Variants in TDRD3 observed in about 807,000 individuals in gnomAD.
TDRD3 encodes the protein tudor domain-containing protein 3.
TDRD3 carries 45 observed loss-of-function variants against 86.7 expected under a neutral mutation model. That is an observed-to-expected ratio of 0.52 (90% CI 0.41 to 0.67). The LOEUF is 0.67. Among genes scored for constraint, TDRD3 ranks in the 30% least tolerant of loss-of-function variants. TDRD3 has a pLI of 0.00. For missense variants in TDRD3, 814 were observed against 889.0 expected (o/e 0.92, Z 1.07); for synonymous variants, 298 against 301.7 (o/e 0.99, Z 0.13).
chr13:60,428,505 A>G (rs142838792), intron 1 of TDRD3, among the ~76,000 whole-genome samples: 1,698 of 152,252 alleles, frequency 0.011, 40 homozygotes, highest in African/African-American at 0.039. Context: ...AGGCATGCAA[A>G]ATTAATTTTA....
chr13:60,483,906 T>C, intron 6 of TDRD3, 60 bp downstream of exon 6: 1 of 1,522,060 alleles, frequency 6.6e-7, no homozygotes. Flanking sequence ...TTCATTAGCA[T>C]TCAAGCTGTG....
intron 12 of TDRD3, among the ~76,000 whole-genome samples, chr13:60,549,574 A>G (rs1040940005): frequency 2.0e-5 from 3 of 152,292 alleles, no homozygotes; most frequent in African/African-American, 7.2e-5. Context: ...ATTCTAAGAC[A>G]CGTGTGTGTG....
intron 1 of TDRD3, among the ~76,000 whole-genome samples, chr13:60,420,987 TG>T (rs1954640087): frequency 6.6e-6 from 1 of 152,138 alleles, no homozygotes; most frequent in African/African-American, 2.4e-5. Flanking sequence ...GGGTCTATAT[TG>T]TTTTATTATT....
intron 12 of TDRD3, among the ~76,000 whole-genome samples, chr13:60,556,811 G>A (rs1958197619): frequency 6.6e-6 from 1 of 152,114 alleles, no homozygotes; most frequent in Non-Finnish European, 1.5e-5. Context: ...AATGGTATTT[G>A]ACCAAGAATT....
At chr13:60,435,097 A>C (rs565145887) in intron 1 of TDRD3, among the ~76,000 whole-genome samples, 1 of 152,292 alleles carries the variant, frequency 6.6e-6, no homozygotes, top group South Asian at 2.1e-4. Flanking sequence ...ATTATTGTTA[A>C]TTTAGGCTCA....
chr13:60,453,331 A>G (rs1474517026), intron 3 of TDRD3, among the ~76,000 whole-genome samples: 1 of 152,222 alleles, frequency 6.6e-6, no homozygotes, highest in Admixed American at 6.5e-5. Context: ...GAAAACGAGT[A>G]ACATGTAGTT....
At chr13:60,475,891 T>G (rs1956175907) in intron 5 of TDRD3, among the ~76,000 whole-genome samples, 1 of 152,204 alleles carries the variant, frequency 6.6e-6, no homozygotes, top group Non-Finnish European at 1.5e-5. Flanking sequence ...AATGAGGTTG[T>G]TTTTTGCTTG....
rs1017759002 is a variant in TDRD3 at position 60,514,580 on chromosome 13, CTG to C, written c.1141+3826_1141+3827del. 1.8e-4 allele frequency among the ~76,000 whole-genome samples: 28 copies of C among 152,144 alleles called. No homozygotes were observed. In the Middle Eastern group the frequency reaches 0.01, roughly 55 times the overall value. On this transcript the variant is annotated intron_variant, in intron 10 of 13. Transcript: ENST00000377881. The stretch of plus-strand genomic sequence containing the variant: ...TAGGGGAGATGACATCTAGTTAAGA[CTG>C]AGGGGAAGTGTTGGGGCAGTCCAAG...
chr13:60,415,113 GA>G (rs991423673), intron 1 of TDRD3, among the ~76,000 whole-genome samples: 4 of 150,882 alleles, frequency 2.7e-5, no homozygotes, highest in African/African-American at 7.3e-5. Context: ...TTGAACTTAT[GA>G]AAAAAAAATT....
chr13:60,518,954 A>G (rs994264820), intron 10 of TDRD3, among the ~76,000 whole-genome samples: 1 of 152,162 alleles, frequency 6.6e-6, no homozygotes, highest in Non-Finnish European at 1.5e-5. Flanking sequence ...AAGATGTTAT[A>G]TCTAATATAA....
chr13:60,424,349 G>C (rs763072877), intron 1 of TDRD3, among the ~76,000 whole-genome samples: 6 of 151,578 alleles, frequency 4.0e-5, no homozygotes, highest in Non-Finnish European at 8.8e-5. Context: ...ACTTTATTGA[G>C]TTATAAATCA....
At chr13:60,474,013 A>G (rs1956129056) in intron 5 of TDRD3, among the ~76,000 whole-genome samples, 2 of 152,204 alleles carry the variant, frequency 1.3e-5, no homozygotes, top group African/African-American at 2.4e-5. Flanking sequence ...TCAGCCATCC[A>G]GAGGCCTGAC....
chr13:60,532,248 G>A (rs2137801230), intron 11 of TDRD3, among the ~76,000 whole-genome samples: 1 of 152,246 alleles, frequency 6.6e-6, no homozygotes, highest in African/African-American at 2.4e-5. Flanking sequence ...TACCCAAAGT[G>A]TTTTGAGTGA....
chr13:60,400,934 C>T (rs1020850842), intron 1 of TDRD3, among the ~76,000 whole-genome samples: 9 of 151,892 alleles, frequency 5.9e-5, no homozygotes, highest in Admixed American at 1.3e-4. Flanking sequence ...CAGAAGTGAC[C>T]GCATCTAATT....
At chr13:60,534,969 C>A in intron 11 of TDRD3, 139 bp from the exon 12 acceptor site, 25 of 630,406 alleles carry the variant, frequency 4.0e-5, no homozygotes, top group Non-Finnish European at 4.9e-5. Flanking sequence ...ACTAATGTGA[C>A]TCAAAAGGGT....
intron 1 of TDRD3, among the ~76,000 whole-genome samples, chr13:60,406,727 A>G (rs1954243362): frequency 6.6e-6 from 1 of 152,204 alleles, no homozygotes; most frequent in Non-Finnish European, 1.5e-5. Flanking sequence ...ACTATTTGAT[A>G]TGGTCACTGT....
At position 60,485,806 on chromosome 13, in the gene TDRD3, T is replaced by C. The variant is rs1285715660; in HGVS notation, c.575T>C (p.Val192Ala). 8.8e-6 allele frequency: 14 copies of C among 1,598,772 alleles called. No homozygotes were observed. The highest frequency in any genetic ancestry group is 1.7e-5 in the Admixed American group (1 of 57,446). The change falls in exon 7 of 14, where the codon GTA becomes GCA. Residue 192 changes from valine (V) to alanine (A), a missense_variant. Val to Ala is a moderately conservative substitution (Grantham distance 64). Coordinates refer to ENST00000377881, the MANE Select transcript of TDRD3 (RefSeq NM_001146070.2). ...TCTTACTTGTTTTACTAGAAGTGTG[T>C]ATCTCATGTCCAAGTGGATAGCAGA... ...PPFVPFGQKC[V>A]SHVQVDSREL...
chr13:60,546,910 C>T, intron 12 of TDRD3, among the ~76,000 whole-genome samples: 1 of 152,006 alleles, frequency 6.6e-6, no homozygotes, highest in East Asian at 1.9e-4. Context: ...GTAACGTCTT[C>T]AACATGTCGC....
intron 12 of TDRD3, among the ~76,000 whole-genome samples, chr13:60,560,992 G>A (rs1780491021): frequency 6.6e-6 from 1 of 152,008 alleles, no homozygotes; most frequent in Non-Finnish European, 1.5e-5. Flanking sequence ...TGCTGGATGA[G>A]GTACATAAAA....
Sources: allele counts gnomAD v4.1 joint callset (sites outside exome capture counted in the v4.1 genomes callset), GRCh38; gene constraint gnomAD v4.1.1; transcripts MANE v1.5; gene names NCBI Gene and HGNC (gene_info 2026-07-23, HGNC 2026-07-21).